The following NLGN1 variants were observed in gnomAD, a reference collection of about 807,000 sequenced individuals.
NLGN1 encodes the protein neuroligin 1.
NLGN1 carries 12 observed loss-of-function variants against 65.5 expected under a neutral mutation model. The ratio of observed to expected loss-of-function variants is 0.18; its 90% CI spans 0.12 to 0.30. NLGN1 has a LOEUF of 0.30. NLGN1 is among the 10% of genes least tolerant of loss of function. NLGN1 has a pLI of 1.00. For missense variants in NLGN1, 750 were observed against 1,007.1 expected (o/e 0.74, Z 3.46); for synonymous variants, 350 against 359.5 (o/e 0.97, Z 0.30).
chr3:174,290,919 T>G (rs990874578), downstream of NLGN1, among the ~76,000 whole-genome samples: 1 of 150,396 alleles, frequency 6.6e-6, no homozygotes, highest in Non-Finnish European at 1.5e-5. Context: ...TTAGATAAAC[T>G]AAAAAACCTT....
intron 2 of NLGN1, among the ~76,000 whole-genome samples, chr3:173,523,767 G>T (rs902601131): frequency 1.7e-4 from 25 of 151,322 alleles, no homozygotes; most frequent in Admixed American, 8.6e-4. Context: ...TGAAATTTTT[G>T]ATTGCTTTTT....
At chr3:173,814,754 T>C (rs1205530629) in intron 4 of NLGN1, among the ~76,000 whole-genome samples, 3 of 152,222 alleles carry the variant, frequency 2.0e-5, no homozygotes, top group Admixed American at 6.5e-5. Flanking sequence ...AAATAAGATA[T>C]ATGTGAACCT....
chr3:174,215,636 G>A (rs926805084), intron 4 of NLGN1, among the ~76,000 whole-genome samples: 20 of 152,156 alleles, frequency 1.3e-4, no homozygotes, highest in Admixed American at 4.6e-4. Flanking sequence ...AACTGTGATA[G>A]ATGGTCTTGA....
At chr3:173,645,610 G>T (rs1758123365) in intron 3 of NLGN1, among the ~76,000 whole-genome samples, 1 of 152,194 alleles carries the variant, frequency 6.6e-6, no homozygotes, top group South Asian at 2.1e-4. Context: ...TGGTAACCTA[G>T]AGGAAAATTA....
At chr3:173,418,233 G>A (rs1384500923) in intron 1 of NLGN1, among the ~76,000 whole-genome samples, 2 of 151,030 alleles carry the variant, frequency 1.3e-5, no homozygotes, top group Non-Finnish European at 3.0e-5. Context: ...GATATAATTA[G>A]TATACAATGT....
At chr3:173,659,708 G>A (rs967026301) in intron 3 of NLGN1, among the ~76,000 whole-genome samples, 5 of 151,628 alleles carry the variant, frequency 3.3e-5, no homozygotes, top group Non-Finnish European at 5.9e-5. Flanking sequence ...TCAAATCATG[G>A]TGTGTACCTT....
At chr3:173,705,149 GA>G (rs956219641) in intron 3 of NLGN1, among the ~76,000 whole-genome samples, 2 of 151,352 alleles carry the variant, frequency 1.3e-5, no homozygotes, top group Admixed American at 6.6e-5. Context: ...ATCTCCTTTG[GA>G]AACATTTTTT....
chr3:173,848,508 A>G (rs757241329), intron 4 of NLGN1, among the ~76,000 whole-genome samples: 4 of 152,192 alleles, frequency 2.6e-5, no homozygotes, highest in Non-Finnish European at 4.4e-5. Context: ...ATATACAGCA[A>G]TATTATTTTT....
intron 4 of NLGN1, among the ~76,000 whole-genome samples, chr3:173,915,344 CATTTTCAA>C (rs1290312602): frequency 6.6e-6 from 1 of 152,168 alleles, no homozygotes; most frequent in Non-Finnish European, 1.5e-5. Context: ...TTAATTAATT[CATTTTCAA>C]ATGGAGCTGT....
At chr3:173,895,041 A>G (rs1736091862) in intron 4 of NLGN1, among the ~76,000 whole-genome samples, 1 of 152,306 alleles carries the variant, frequency 6.6e-6, no homozygotes, top group African/African-American at 2.4e-5. Context: ...TGCAAGGTCT[A>G]GGGAGAATCT....
intron 4 of NLGN1, among the ~76,000 whole-genome samples, chr3:174,253,803 A>T (rs1478979279): frequency 6.6e-6 from 1 of 152,118 alleles, no homozygotes; most frequent in Non-Finnish European, 1.5e-5. Context: ...TGAGCTGAAG[A>T]TCCATATTAG....
chr3:173,710,295 A>G (rs1209237603), intron 3 of NLGN1, among the ~76,000 whole-genome samples: 1 of 152,164 alleles, frequency 6.6e-6, no homozygotes, highest in Non-Finnish European at 1.5e-5. Flanking sequence ...GAAATTCACT[A>G]CTGCCGTGTT....
At chr3:173,462,294 G>A (rs771479380) in intron 2 of NLGN1, among the ~76,000 whole-genome samples, 15 of 152,106 alleles carry the variant, frequency 9.9e-5, no homozygotes, top group Non-Finnish European at 2.2e-4. Flanking sequence ...AATATTTGCA[G>A]TTTTATTGAA....
intron 4 of NLGN1, among the ~76,000 whole-genome samples, chr3:173,840,321 T>C (rs1385903103): frequency 6.6e-6 from 1 of 152,212 alleles, no homozygotes; most frequent in Non-Finnish European, 1.5e-5. Flanking sequence ...TCATATTTGG[T>C]ATTTGATTTG....
At chr3:173,621,487 A>C (rs762649275) in intron 3 of NLGN1, among the ~76,000 whole-genome samples, 1 of 152,128 alleles carries the variant, frequency 6.6e-6, no homozygotes, top group Admixed American at 6.6e-5. Context: ...GAGGCATTTT[A>C]CTATCAACAA....
chr3:173,942,851 T>G lies in NLGN1; in HGVS notation c.646+135019T>G, dbSNP rs1025110555. Among the ~76,000 whole-genome samples, 4 of 152,354 alleles carry G rather than the reference T, an allele frequency of 2.6e-5. No individual in the cohort carries two copies. The East Asian group carries it at 7.7e-4, about 29-fold the overall frequency. Reference sequence around the variant, plus strand: ...ATGGTAAAACTGCATTTTCACATATTAATTTAATTAAACATACAATTTATT... The same window carrying G: ...ATGGTAAAACTGCATTTTCACATATGAATTTAATTAAACATACAATTTATT... On this transcript the variant is annotated intron_variant, in intron 4 of 6. Coordinates refer to ENST00000457714, the Ensembl canonical transcript of NLGN1.
At chr3:173,603,302 T>C (rs1750848906) in intron 2 of NLGN1, among the ~76,000 whole-genome samples, 2 of 152,176 alleles carry the variant, frequency 1.3e-5, no homozygotes, top group South Asian at 4.1e-4. Context: ...TACGTTGCAC[T>C]GAATGTTATA....
chr3:173,497,318 G>A (rs1730186516), intron 2 of NLGN1, among the ~76,000 whole-genome samples: 3 of 151,484 alleles, frequency 2.0e-5, no homozygotes, highest in Non-Finnish European at 4.4e-5. Context: ...AATTCGGGAG[G>A]TGGAGATTGC....
Position 173,539,442 on chromosome 3 carries a change from CATGTATATACATACATGTACAT to C in NLGN1, c.-320-64826_-320-64805del, listed in dbSNP as rs1738061664. The stretch of plus-strand genomic sequence containing the variant: ...ATGTTATATATAACATATATATGTA[CATGTATATACATACATGTACAT>C]ATGTATATACGCATATGCATGTATA... On this transcript the variant is annotated intron_variant, in intron 2 of 6. Transcript: ENST00000457714. 3.5e-5 allele frequency among the ~76,000 whole-genome samples: 5 copies of C among 143,546 alleles called. No individual in the cohort carries two copies. In the Admixed American group the frequency reaches 3.5e-4, roughly 10 times the overall value. 94.2% of individuals were successfully genotyped at this position (143,546 alleles called of 152,430 possible).
Sources: allele counts gnomAD v4.1 joint callset (sites outside exome capture counted in the v4.1 genomes callset), GRCh38; gene constraint gnomAD v4.1.1; transcripts MANE v1.5; gene names NCBI Gene and HGNC (gene_info 2026-07-23, HGNC 2026-07-21).